The following ABCC1 variants were observed in gnomAD, a reference collection of about 807,000 sequenced individuals.
ABCC1 encodes multidrug resistance-associated protein 1.
Under a neutral mutation model 172.9 loss-of-function variants are expected in ABCC1, and 83 were observed. The observed-to-expected ratio is 0.48, with a 90% confidence interval of 0.40 to 0.58. The LOEUF (loss-of-function observed/expected upper bound fraction) is 0.58. Among genes scored for constraint, ABCC1 ranks in the 20% least tolerant of loss-of-function variants. ABCC1 has a pLI of 0.00. For missense variants in ABCC1, 1,817 were observed against 2,002.7 expected, an observed-to-expected ratio of 0.91 and a Z score of 1.77; for synonymous variants, 937 against 825.2, an observed-to-expected ratio of 1.14 and a Z score of -2.32.
At position 16,132,506 on chromosome 16, in the gene ABCC1, GGTTGTTTTTTT is replaced by G. The variant is rs1401716977; in HGVS notation, c.3966+572_3966+582del. ...GAAGTTCTTTTTTTGTTTTTTGGTTGGTTGTTTTTTTTTTTTTTTTTTTTTTTTTTTTTGAG... is the reference window on the plus strand; with the variant it reads ...GAAGTTCTTTTTTTGTTTTTTGGTTGTTTTTTTTTTTTTTTTTTTTTTGAG... On this transcript the variant is annotated intron_variant, in intron 27 of 30. Transcript: ENST00000399410. Among the ~76,000 whole-genome samples the G allele has an allele frequency of 3.0e-3, 306 of 100,970 alleles. 8 individuals carry two copies. Among genetic ancestry groups the G allele is most frequent in the African/African-American group, 7.8e-3 (219 of 28,066 alleles). The allele number at this position is 100,970 out of a possible 152,430, so 66.2% of individuals were successfully genotyped here.
chr16:16,124,435 G>T (rs1287383166), intron 24 of ABCC1, among the ~76,000 whole-genome samples: 1 of 150,278 alleles, frequency 6.7e-6, no homozygotes, highest in Non-Finnish European at 1.5e-5. Flanking sequence ...GATTATAGGA[G>T]TGACCCACTA....
intron 1 of ABCC1, among the ~76,000 whole-genome samples, chr16:15,982,219 A>G (rs1366949114): frequency 6.6e-6 from 1 of 152,106 alleles, no homozygotes; most frequent in Admixed American, 6.5e-5. Context: ...ATTTTTGGGT[A>G]TCTTTACAGT....
chr16:15,973,011 T>C (rs1305878425), intron 1 of ABCC1, among the ~76,000 whole-genome samples: 2 of 151,826 alleles, frequency 1.3e-5, no homozygotes, highest in African/African-American at 4.8e-5. Flanking sequence ...CCCAGGCTGC[T>C]CTTGAACTTG....
chr16:16,120,786 C>G (rs2045113913), intron 23 of ABCC1, among the ~76,000 whole-genome samples: 1 of 152,018 alleles, frequency 6.6e-6, no homozygotes, highest in Non-Finnish European at 1.5e-5. Context: ...GCAACTCTAA[C>G]AGCGCTGGGA....
intron 1 of ABCC1, among the ~76,000 whole-genome samples, chr16:15,954,820 T>G (rs1245674707): frequency 6.6e-6 from 1 of 152,190 alleles, no homozygotes; most frequent in Non-Finnish European, 1.5e-5. Flanking sequence ...CTTTTCTGTT[T>G]GTGGACACAA....
At chr16:15,995,667 T>A (rs1456613624) in intron 1 of ABCC1, among the ~76,000 whole-genome samples, 1 of 152,116 alleles carries the variant, frequency 6.6e-6, no homozygotes, top group African/African-American at 2.4e-5. Context: ...TGTTGCAAGT[T>A]ACTTATTTAT....
chr16:16,027,342 T>C (rs1211697404), intron 5 of ABCC1, among the ~76,000 whole-genome samples: 1 of 152,174 alleles, frequency 6.6e-6, no homozygotes, highest in African/African-American at 2.4e-5. Context: ...TACTCATTTA[T>C]AATACATAAA....
chr16:16,129,819 T>G (rs1008019503), intron 26 of ABCC1, among the ~76,000 whole-genome samples: 5 of 152,122 alleles, frequency 3.3e-5, no homozygotes, highest in Non-Finnish European at 7.4e-5. Flanking sequence ...ATTACAGGTG[T>G]GAGCCACTGC....
chr16:16,088,695 T>C (rs968187077), intron 18 of ABCC1, among the ~76,000 whole-genome samples: 6 of 147,340 alleles, frequency 4.1e-5, no homozygotes, highest in African/African-American at 1.6e-4. Context: ...TATTGGAACA[T>C]GGCCAATGTA....
intron 13 of ABCC1, among the ~76,000 whole-genome samples, 166 bp downstream of exon 13, chr16:16,068,468 G>T (rs1355866164): frequency 2.6e-5 from 4 of 152,202 alleles, no homozygotes; most frequent in Admixed American, 2.6e-4. Flanking sequence ...CTGAAAGAAA[G>T]AAAACACATT....
chr16:16,104,243 T>G (rs553325303), intron 20 of ABCC1, among the ~76,000 whole-genome samples: 2 of 152,316 alleles, frequency 1.3e-5, no homozygotes, highest in Admixed American at 6.5e-5. Context: ...CACTGCTGGC[T>G]CTGGCAGCCA....
At chr16:16,023,587 T>C (rs1001109646) in intron 5 of ABCC1, among the ~76,000 whole-genome samples, 21 of 152,182 alleles carry the variant, frequency 1.4e-4, no homozygotes, top group African/African-American at 4.6e-4. Context: ...TGCCAGGGGC[T>C]GAGCTAGAAA....
intron 1 of ABCC1, among the ~76,000 whole-genome samples, chr16:16,002,276 G>C (rs12921623): frequency 0.53 from 80,600 of 151,902 alleles, 21,982 homozygotes; most frequent in Non-Finnish European, 0.61. Flanking sequence ...TGCTTCCTTC[G>C]ATTTGATAAC....
chr16:15,950,656 G>C lies in ABCC1; in HGVS notation c.48+857G>C, dbSNP rs532800835. 3.3e-5 allele frequency among the ~76,000 whole-genome samples: 5 copies of C among 152,188 alleles called. No homozygotes were observed. In the East Asian group the frequency reaches 7.7e-4, roughly 23 times the overall value. On this transcript the variant is annotated intron_variant, in intron 1 of 30. Transcript: ENST00000399410. ...CAGTCTTTTGGGCTTCAGCTTCTCC[G>C]TAATGCGATTTGCCTCTTTGTTCCA...
intron 20 of ABCC1, among the ~76,000 whole-genome samples, chr16:16,103,092 G>A (rs2051846153): frequency 6.6e-6 from 1 of 152,190 alleles, no homozygotes; most frequent in Non-Finnish European, 1.5e-5. Context: ...GCTCCTGCTT[G>A]TAATCTCAGC....
intron 23 of ABCC1, among the ~76,000 whole-genome samples, chr16:16,118,769 A>G (rs943411524): frequency 6.6e-6 from 1 of 151,924 alleles, no homozygotes. Context: ...AGGCAGATAC[A>G]TGAAAACATC....
At chr16:16,131,055 G>A (rs149388569) in intron 26 of ABCC1, among the ~76,000 whole-genome samples, 3,649 of 152,148 alleles carry the variant, frequency 0.024, 66 homozygotes, top group Middle Eastern at 0.044. Context: ...TGGGAGGCAG[G>A]GGTTGCAGTG....
chr16:16,134,850 C>T (rs1278770852), intron 28 of ABCC1, among the ~76,000 whole-genome samples: 2 of 152,094 alleles, frequency 1.3e-5, no homozygotes, highest in South Asian at 4.1e-4. Flanking sequence ...CTGTGTTGCC[C>T]AGGCTGCCCT....
At chr16:15,967,293 C>T (rs1308307603) in intron 1 of ABCC1, among the ~76,000 whole-genome samples, 1 of 151,950 alleles carries the variant, frequency 6.6e-6, no homozygotes, top group Non-Finnish European at 1.5e-5. Flanking sequence ...TCAGTATAGA[C>T]GATTCAGGTT....
Sources: gnomAD v4.1 joint callset for allele counts (sites outside exome capture counted in the v4.1 genomes callset) on GRCh38, gnomAD v4.1.1 for gene constraint, MANE v1.5 for transcripts, NCBI Gene and HGNC (gene_info 2026-07-23, HGNC 2026-07-21) for gene names.